The following UBR3 variants were observed in gnomAD, a reference collection of about 807,000 sequenced individuals.
UBR3 encodes ubiquitin protein ligase E3 component n-recognin 3.
In UBR3, 85 loss-of-function variants were observed where a neutral mutation model predicts 243.2. The observed-to-expected ratio is 0.35, with a 90% CI of 0.29 to 0.42. UBR3 has a LOEUF of 0.42. UBR3 is among the 10% of genes least tolerant of loss of function. The pLI is 1.00. For missense variants in UBR3, 1,686 were observed against 2,300.8 expected (o/e 0.73, Z 5.47); for synonymous variants, 748 against 799.8 (o/e 0.94, Z 1.09).
At chr2:170,069,349 A>G (rs1158335009) in intron 35 of UBR3, among the ~76,000 whole-genome samples, 1 of 152,122 alleles carries the variant, frequency 6.6e-6, no homozygotes, top group African/African-American at 2.4e-5. Flanking sequence ...TATATAGTAT[A>G]CAATATGTAA....
intron 1 of UBR3, among the ~76,000 whole-genome samples, chr2:169,846,709 C>CAAAAA (rs58234876): frequency 8.7e-6 from 1 of 114,744 alleles, no homozygotes; most frequent in Non-Finnish European, 1.8e-5. Flanking sequence ...GACTCTGTCT[C>CAAAAA]AAAAAAAAAA....
intron 10 of UBR3, among the ~76,000 whole-genome samples, chr2:169,909,560 G>A (rs2085167885): frequency 6.6e-6 from 1 of 152,000 alleles, no homozygotes; most frequent in Non-Finnish European, 1.5e-5. Context: ...TAGGGAGGAG[G>A]AATAACTTTG....
chr2:169,855,734 C>T (rs1446560400), intron 1 of UBR3, among the ~76,000 whole-genome samples: 1 of 152,234 alleles, frequency 6.6e-6, no homozygotes, highest in African/African-American at 2.4e-5. Flanking sequence ...AATGGAGTCT[C>T]CTATGTCTAC....
At chr2:170,056,702 T>G (rs1202895093) in intron 33 of UBR3, among the ~76,000 whole-genome samples, 1 of 152,230 alleles carries the variant, frequency 6.6e-6, no homozygotes, top group Non-Finnish European at 1.5e-5. Flanking sequence ...GAAAACCAAT[T>G]ATAAATACAT....
intron 35 of UBR3, among the ~76,000 whole-genome samples, chr2:170,064,313 T>G (rs527640946): frequency 1.3e-5 from 2 of 152,280 alleles, no homozygotes; most frequent in South Asian, 4.1e-4. Flanking sequence ...AACGATTACC[T>G]TTTTCTTTAT....
intron 1 of UBR3, among the ~76,000 whole-genome samples, chr2:169,839,841 A>C (rs1239407194): frequency 1.3e-5 from 2 of 152,222 alleles, no homozygotes; most frequent in Non-Finnish European, 2.9e-5. Context: ...TTCTGGACAC[A>C]CTGTGTTGGG....
intron 4 of UBR3, 105 bp downstream of exon 4, chr2:169,877,742 A>G: frequency 1.8e-6 from 2 of 1,138,008 alleles, no homozygotes; most frequent in African/African-American, 1.6e-5. Flanking sequence ...TTGAACTAAA[A>G]CAGTATTATT....
intron 8 of UBR3, among the ~76,000 whole-genome samples, chr2:169,898,474 A>G (rs1396809793): frequency 1.3e-5 from 2 of 152,092 alleles, no homozygotes; most frequent in Non-Finnish European, 2.9e-5. Context: ...TGTCATCTCC[A>G]TTTTATAGAT....
chr2:170,017,058 A>G (rs1211678285), intron 30 of UBR3: 1 of 169,278 alleles, frequency 5.9e-6, no homozygotes, highest in East Asian at 1.9e-4. Flanking sequence ...CTATCTTACA[A>G]GTGTATGAAC....
At chr2:170,003,895 C>G (rs1412397821) in intron 27 of UBR3, among the ~76,000 whole-genome samples, 1 of 152,204 alleles carries the variant, frequency 6.6e-6, no homozygotes, top group Non-Finnish European at 1.5e-5. Context: ...CCGCCTCAGC[C>G]TCCCAAAGTG....
chr2:169,872,173 A>G, intron 1 of UBR3, 63 bp from the exon 2 acceptor site: 13 of 1,146,706 alleles, frequency 1.1e-5, no homozygotes, highest in Non-Finnish European at 1.5e-5. Flanking sequence ...TATTGTAAAT[A>G]GAAATAATAT....
rs2091111784 is a variant in UBR3 at position 170,047,209 on chromosome 2, CTT to C, written c.4660+6226_4660+6227del. 2.0e-5 allele frequency among the ~76,000 whole-genome samples: 3 copies of C among 151,400 alleles called. No individual in the cohort carries two copies. In the South Asian group the frequency reaches 6.3e-4, roughly 32 times the overall value. On this transcript the variant is annotated intron_variant, in intron 32 of 38. Transcript: ENST00000272793. Reference sequence around the variant, plus strand: ...TGGCGGTGTCGGGGGGGGGGTCTCACTTTGTTGCCCAGGCTGGTCTCGAACTC... The same window carrying C: ...TGGCGGTGTCGGGGGGGGGGTCTCACTGTTGCCCAGGCTGGTCTCGAACTC...
intron 32 of UBR3, among the ~76,000 whole-genome samples, chr2:170,053,482 G>T (rs1447392123): frequency 6.6e-6 from 1 of 152,176 alleles, no homozygotes. Flanking sequence ...TTCACCCAAT[G>T]TGCCTTTTTT....
In UBR3 at chr2:169,994,378, G is replaced by A; in HGVS notation, c.3840G>A (p.Glu1280=). Reference sequence around the variant, plus strand: ...CAAAAAAGTTGCCGATCAGTGAAGAGGAGCAGATTTACCCTTGGGATACCT... The same window carrying A: ...CAAAAAAGTTGCCGATCAGTGAAGAAGAGCAGATTTACCCTTGGGATACCT... ...VEPKKLPISE[E]EQIYPWDTCA... Residue 1280 remains glutamate, a synonymous_variant, in exon 26 of 39, where the codon GAG becomes GAA. Coordinates refer to ENST00000272793, the MANE Select transcript of UBR3 (RefSeq NM_172070.4). 6.2e-7 allele frequency: 1 copy of A among 1,614,118 alleles called. No homozygotes were observed.
intron 31 of UBR3, among the ~76,000 whole-genome samples, chr2:170,030,757 GT>G (rs533179324): frequency 4.6e-5 from 7 of 151,998 alleles, no homozygotes; most frequent in Admixed American, 3.9e-4. Context: ...GCTCATTTCA[GT>G]TTTTTTCCTC....
intron 1 of UBR3, among the ~76,000 whole-genome samples, chr2:169,835,502 A>G (rs2082054878): frequency 6.6e-6 from 1 of 152,136 alleles, no homozygotes; most frequent in South Asian, 2.1e-4. Flanking sequence ...GTGCAGTTGC[A>G]TGATCTCGGC....
rs749730416 is a variant in UBR3 at position 169,914,106 on chromosome 2, C to G, written c.1826C>G (p.Ala609Gly). The G allele has an allele frequency of 1.3e-6, 2 of 1,512,106 alleles. No individual in the cohort carries two copies. The highest frequency in any genetic ancestry group is 1.3e-5 in the South Asian group (1 of 76,240). 93.7% of individuals were successfully genotyped at this position (1,512,106 alleles called of 1,614,324 possible). Residue 609 changes from alanine to glycine, a missense_variant, in exon 11 of 39, where the codon GCT (alanine) becomes GGT (glycine). This residue lies in a region of UBR3 where 346 missense variants were observed against 585.8 expected (regional missense o/e 0.59). Transcript: ENST00000272793. ...TRNVVRYCLEALQDWFDAINF... is the reference protein window; with the variant it reads ...TRNVVRYCLEGLQDWFDAINF... ...AATGTTGTTAGATATTGCCTTGAAG[C>G]TCTTCAAGACTGGTTTGATGCTATT...
In UBR3 at chr2:169,928,860, C is replaced by T. The variant is rs2086008024; in HGVS notation, c.2558C>T (p.Thr853Ile). ...PGGSMQQGMY[T>I]PKAEVWDQEF... ...GGTTCTATGCAACAAGGCATGTATA[C>T]TCCCAAAGGTATGTTTATATACATA... The change falls in exon 18 of 39, where the codon ACT becomes ATT. Residue 853 changes from threonine (T) to isoleucine (I), a missense_variant. Thr to Ile is a moderately conservative substitution (Grantham distance 89). Transcript: ENST00000272793. The T allele has an allele frequency of 6.9e-7, 1 of 1,451,154 alleles. No homozygotes were observed. The highest frequency in any genetic ancestry group is 9.2e-7 in the Non-Finnish European group (1 of 1,081,282). 89.9% of individuals were successfully genotyped at this position (1,451,154 alleles called of 1,614,324 possible).
At chr2:169,886,214 TG>T (rs1408965772) in intron 5 of UBR3, among the ~76,000 whole-genome samples, 1 of 152,094 alleles carries the variant, frequency 6.6e-6, no homozygotes, top group African/African-American at 2.4e-5. Flanking sequence ...AATTTTAATT[TG>T]GTATCATAAA....
Sources: gnomAD v4.1 joint callset for allele counts (sites outside exome capture counted in the v4.1 genomes callset) on GRCh38, gnomAD v4.1.1 for gene constraint, gnomAD v4.1.1 regional missense constraint, MANE v1.5 for transcripts, NCBI Gene and HGNC (gene_info 2026-07-23, HGNC 2026-07-21) for gene names.